Variants in GPC5 observed in about 807,000 individuals in gnomAD.
The protein encoded by GPC5 is glypican-5.
Under a neutral mutation model 53.9 loss-of-function variants are expected in GPC5, and 47 were observed. That is an observed-to-expected ratio of 0.87 (90% CI 0.69 to 1.11). The LOEUF is 1.11. Among genes scored for constraint, GPC5 ranks in the 50% most tolerant of loss-of-function variants. GPC5 has a pLI of 0.00. For synonymous variants in GPC5, 286 were observed against 263.3 expected (o/e 1.09, Z -0.84); for missense variants, 748 against 713.1 (o/e 1.05, Z -0.56).
chr13:92,656,840 G>A (rs974239256), intron 7 of GPC5, among the ~76,000 whole-genome samples: 2 of 152,168 alleles, frequency 1.3e-5, no homozygotes, highest in Non-Finnish European at 2.9e-5. Context: ...CATAATCCCA[G>A]CTACTCTTAC....
intron 7 of GPC5, among the ~76,000 whole-genome samples, chr13:92,550,702 C>T (rs1882282504): frequency 6.6e-6 from 1 of 151,780 alleles, no homozygotes; most frequent in South Asian, 2.1e-4. Flanking sequence ...AAGATTTATG[C>T]AATTCTTTTT....
chr13:92,197,070 G>A (rs1249805794), intron 7 of GPC5, among the ~76,000 whole-genome samples: 1 of 152,150 alleles, frequency 6.6e-6, no homozygotes, highest in African/African-American at 2.4e-5. Context: ...CAGCAGTGGG[G>A]GATAGCAACT....
intron 7 of GPC5, among the ~76,000 whole-genome samples, chr13:92,666,137 T>A (rs1225990300): frequency 6.6e-6 from 1 of 152,208 alleles, no homozygotes; most frequent in South Asian, 2.1e-4. Flanking sequence ...ATCCATCTAC[T>A]TCTAGGAAAT....
intron 7 of GPC5, among the ~76,000 whole-genome samples, chr13:92,520,550 T>G (rs1881000324): frequency 6.6e-6 from 1 of 152,172 alleles, no homozygotes; most frequent in South Asian, 2.1e-4. Context: ...TCTCAATAGA[T>G]GCAGAAAAGG....
chr13:92,368,647 A>C (rs1350522698), intron 7 of GPC5, among the ~76,000 whole-genome samples: 4 of 151,292 alleles, frequency 2.6e-5, no homozygotes, highest in Non-Finnish European at 5.9e-5. Flanking sequence ...AAAAAAAAAA[A>C]AAAAAAAAAA....
At chr13:92,393,418 G>T (rs1427954087) in intron 7 of GPC5, among the ~76,000 whole-genome samples, 1 of 152,202 alleles carries the variant, frequency 6.6e-6, no homozygotes, top group African/African-American at 2.4e-5. Flanking sequence ...GGGAGGACAA[G>T]GTGGGCAGAC....
At chr13:92,555,828 CA>C (rs1379237422) in intron 7 of GPC5, among the ~76,000 whole-genome samples, 3 of 150,530 alleles carry the variant, frequency 2.0e-5, no homozygotes, top group African/African-American at 7.3e-5. Flanking sequence ...ACATCTGCTA[CA>C]GGGGTTGCAT....
At chr13:91,957,503 G>T (rs985289077) in intron 6 of GPC5, among the ~76,000 whole-genome samples, 1 of 152,022 alleles carries the variant, frequency 6.6e-6, no homozygotes, top group Non-Finnish European at 1.5e-5. Flanking sequence ...ATTCAAAAAG[G>T]TCTTCTCTAT....
intron 7 of GPC5, among the ~76,000 whole-genome samples, chr13:92,405,162 G>C (rs533010907): frequency 9.9e-5 from 13 of 131,460 alleles, no homozygotes; most frequent in African/African-American, 3.8e-4. Flanking sequence ...TCCAGTTCAG[G>C]GGCATGGGTG....
chr13:91,996,951 T>C (rs950845465), intron 6 of GPC5, among the ~76,000 whole-genome samples: 3 of 152,078 alleles, frequency 2.0e-5, no homozygotes, highest in African/African-American at 4.8e-5. Flanking sequence ...CTATTAATTA[T>C]ATTAGTATAA....
intron 6 of GPC5, among the ~76,000 whole-genome samples, chr13:92,042,324 A>G (rs1303312086): frequency 6.6e-6 from 1 of 152,166 alleles, no homozygotes; most frequent in African/African-American, 2.4e-5. Context: ...CAAAAAGTAT[A>G]TGCGCTTGGA....
intron 6 of GPC5, among the ~76,000 whole-genome samples, chr13:92,004,407 T>C (rs1412351277): frequency 1.4e-5 from 2 of 139,094 alleles, no homozygotes; most frequent in Non-Finnish European, 3.0e-5. Flanking sequence ...ATTGCACCAC[T>C]GCACTCCATC....
chr13:91,942,220 C>T (rs544236237), intron 6 of GPC5, among the ~76,000 whole-genome samples: 42 of 152,018 alleles, frequency 2.8e-4, no homozygotes, highest in South Asian at 1.0e-3. Context: ...CCATATTTAC[C>T]TGACTAAAAA....
At chr13:92,727,567 C>A (rs146223958) in intron 7 of GPC5, among the ~76,000 whole-genome samples, 70 of 151,442 alleles carry the variant, frequency 4.6e-4, no homozygotes, top group Middle Eastern at 3.4e-3. Flanking sequence ...AATAATATTA[C>A]AAGTGGCCCC....
At chr13:92,564,697 C>T (rs1882809696) in intron 7 of GPC5, among the ~76,000 whole-genome samples, 1 of 151,844 alleles carries the variant, frequency 6.6e-6, no homozygotes, top group Non-Finnish European at 1.5e-5. Flanking sequence ...TCTAGCAGAC[C>T]CCACTGTCTA....
intron 2 of GPC5, among the ~76,000 whole-genome samples, chr13:91,604,636 A>G (rs1455591719): frequency 0.016 from 2,243 of 141,862 alleles, 39 homozygotes; most frequent in African/African-American, 0.057. Flanking sequence ...CTTTTTAATG[A>G]TCGCCATTCG....
chr13:92,177,555 C>G (rs562402719), intron 7 of GPC5, among the ~76,000 whole-genome samples: 80 of 152,140 alleles, frequency 5.3e-4, no homozygotes, highest in African/African-American at 1.9e-3. Flanking sequence ...AACAGAATAG[C>G]CACTAGTATG....
At chr13:91,489,792 T>C (rs1425881040) in intron 2 of GPC5, among the ~76,000 whole-genome samples, 1 of 152,174 alleles carries the variant, frequency 6.6e-6, no homozygotes, top group Non-Finnish European at 1.5e-5. Flanking sequence ...AAAATGGAAA[T>C]GTAGTTACAG....
intron 6 of GPC5, among the ~76,000 whole-genome samples, chr13:92,017,628 TA>T (rs1840433251): frequency 6.6e-6 from 1 of 152,108 alleles, no homozygotes; most frequent in Admixed American, 6.6e-5. Flanking sequence ...AAAATTCATA[TA>T]AAAATATGAT....
Sources: gnomAD v4.1 joint callset for allele counts (sites outside exome capture counted in the v4.1 genomes callset) on GRCh38, gnomAD v4.1.1 for gene constraint, MANE v1.5 for transcripts, NCBI Gene and HGNC (gene_info 2026-07-23, HGNC 2026-07-21) for gene names.